Variants in RHOBTB1 observed in about 807,000 individuals in gnomAD.
RHOBTB1 encodes the protein rho-related BTB domain-containing protein 1.
Under a neutral mutation model 71.6 loss-of-function variants are expected in RHOBTB1, and 40 were observed. The observed-to-expected ratio is 0.56, with a 90% CI of 0.43 to 0.73. RHOBTB1 has a LOEUF of 0.73. Ranked by LOEUF, RHOBTB1 falls within the 30% of genes least tolerant of loss-of-function variation. The pLI, the probability that RHOBTB1 is intolerant of heterozygous loss-of-function variation, is 0.00. For synonymous variants in RHOBTB1, 319 were observed against 334.9 expected, an observed-to-expected ratio of 0.95 and a Z score of 0.52; for missense variants, 797 against 894.0, an observed-to-expected ratio of 0.89 and a Z score of 1.38.
intron 4 of RHOBTB1, among the ~76,000 whole-genome samples, chr10:60,900,455 C>T (rs1250817054): frequency 3.9e-5 from 6 of 152,142 alleles, no homozygotes; most frequent in Non-Finnish European, 7.4e-5. Flanking sequence ...TTTCTGCTTC[C>T]CTGTTCCGGG....
At chr10:60,908,058 G>A (rs2082768041) in intron 4 of RHOBTB1, among the ~76,000 whole-genome samples, 1 of 152,196 alleles carries the variant, frequency 6.6e-6, no homozygotes, top group Non-Finnish European at 1.5e-5. Context: ...GCAAAAGAAT[G>A]GGTAGAATAG....
At chr10:60,992,777 T>C (rs560488595) in intron 1 of RHOBTB1, among the ~76,000 whole-genome samples, 1 of 152,250 alleles carries the variant, frequency 6.6e-6, no homozygotes, top group Admixed American at 6.5e-5. Context: ...AAATAAGAAA[T>C]GCCATCTGAT....
chr10:60,903,720 GT>G (rs899903720), intron 4 of RHOBTB1, among the ~76,000 whole-genome samples: 1 of 152,060 alleles, frequency 6.6e-6, no homozygotes, highest in African/African-American at 2.4e-5. Context: ...GGCAGGGGGG[GT>G]TCTATCTCTG....
Position 60,870,855 on chromosome 10 carries a change from C to A in RHOBTB1, c.*627G>T, listed in dbSNP as rs2080745243. On this transcript the variant is annotated 3_prime_UTR_variant, in exon 11 of 11. Transcript: ENST00000337910. ...TAACCATATAATTACCAGCACTTAA[C>A]ATGGCAAATATTGTAAATACACATT... 6.6e-6 allele frequency: 1 copy of A among 152,656 alleles called. No individual in the cohort carries two copies. The highest frequency in any genetic ancestry group is 2.1e-4 in the South Asian group (1 of 4,828). 9.5% of individuals were successfully genotyped at this position (152,656 alleles called of 1,614,324 possible).
intron 1 of RHOBTB1, among the ~76,000 whole-genome samples, chr10:60,943,288 G>T (rs532208946): frequency 6.6e-6 from 1 of 152,204 alleles, no homozygotes; most frequent in Non-Finnish European, 1.5e-5. Flanking sequence ...CTAACAGTAG[G>T]ATCTAATGAT....
At chr10:60,892,772 T>C in intron 5 of RHOBTB1, 38 bp downstream of exon 5, 1 of 1,560,206 alleles carries the variant, frequency 6.4e-7, no homozygotes, top group Non-Finnish European at 8.7e-7. Context: ...AAATTTTAAC[T>C]TGGTCAGGAC....
chr10:60,872,216 C>T lies in RHOBTB1; in HGVS notation c.1890G>A (p.Lys630=). The T allele has an allele frequency of 6.2e-7, 1 of 1,614,076 alleles. No homozygotes were observed. Among genetic ancestry groups the T allele is most frequent in the Non-Finnish European group, 8.5e-7 (1 of 1,179,970 alleles). ...ICTNYNSVCS[K]FRKEIKSKSA... ...ATTTTGATTTGATTTCCTTACGGAACTTGGAGCATACACTGTTGTAGTTGG... is the reference window on the plus strand; with the variant it reads ...ATTTTGATTTGATTTCCTTACGGAATTTGGAGCATACACTGTTGTAGTTGG... Residue 630 remains lysine (K), a synonymous_variant, in exon 10 of 11, where the codon AAG becomes AAA. Transcript: ENST00000337910.
intron 4 of RHOBTB1, among the ~76,000 whole-genome samples, chr10:60,903,919 T>C (rs890206048): frequency 2.6e-5 from 4 of 152,146 alleles, no homozygotes; most frequent in African/African-American, 9.7e-5. Flanking sequence ...ACACAAACCT[T>C]TCTTCATATA....
chr10:60,957,645 C>T (rs549892661), intron 2 of RHOBTB1, among the ~76,000 whole-genome samples: 47 of 151,866 alleles, frequency 3.1e-4, no homozygotes, highest in African/African-American at 1.1e-3. Flanking sequence ...AAAGCAGATC[C>T]AAGTGAGTAA....
intron 2 of RHOBTB1, chr10:60,912,976 G>A (rs2083070190): frequency 6.6e-6 from 1 of 152,204 alleles, no homozygotes. Context: ...TCATTTTTAA[G>A]GAGTCAGTAA....
chr10:60,914,263 T>C (rs1232409964), intron 2 of RHOBTB1, among the ~76,000 whole-genome samples: 1 of 152,116 alleles, frequency 6.6e-6, no homozygotes, highest in Non-Finnish European at 1.5e-5. Flanking sequence ...GGGTTAAAAA[T>C]GCTTGTCTGA....
chr10:60,933,679 T>A (rs1196636540), intron 2 of RHOBTB1, among the ~76,000 whole-genome samples: 1 of 151,310 alleles, frequency 6.6e-6, no homozygotes, highest in Admixed American at 6.6e-5. Flanking sequence ...CCAGCCTAGG[T>A]GAGAGTGAGA....
intron 2 of RHOBTB1, among the ~76,000 whole-genome samples, chr10:60,918,133 G>C (rs2083366353): frequency 6.6e-6 from 1 of 152,314 alleles, no homozygotes; most frequent in South Asian, 2.1e-4. Flanking sequence ...ATTTGCTACA[G>C]TGCTGGGAAT....
At chr10:60,990,454 G>A (rs975195162) in intron 1 of RHOBTB1, among the ~76,000 whole-genome samples, 3 of 152,152 alleles carry the variant, frequency 2.0e-5, no homozygotes, top group African/African-American at 2.4e-5. Flanking sequence ...ACGACAGACA[G>A]AACCAGTTAC....
intron 2 of RHOBTB1, among the ~76,000 whole-genome samples, chr10:60,978,544 C>T (rs1436973001): frequency 3.3e-5 from 5 of 152,082 alleles, no homozygotes; most frequent in East Asian, 3.9e-4. Flanking sequence ...TGTATCAAAA[C>T]GATCTGCAGT....
At chr10:60,873,043 A>G (rs1165334909) in intron 9 of RHOBTB1, among the ~76,000 whole-genome samples, 2 of 152,176 alleles carry the variant, frequency 1.3e-5, no homozygotes, top group Non-Finnish European at 2.9e-5. Context: ...TAGAACCTAC[A>G]GCATGCTTCC....
chr10:60,915,474 A>T (rs1353958295), intron 2 of RHOBTB1, among the ~76,000 whole-genome samples: 1 of 152,178 alleles, frequency 6.6e-6, no homozygotes, highest in Admixed American at 6.5e-5. Context: ...GAAAGAATGG[A>T]CACTGGTAAT....
chr10:60,862,528 CTTTCT>C, the RHOBTB1 span, among the ~76,000 whole-genome samples: 1 of 150,058 alleles, frequency 6.7e-6, no homozygotes, highest in African/African-American at 2.5e-5. Flanking sequence ...CTCTCTCTCC[CTTTCT>C]TTCTCTTTCT....
intron 2 of RHOBTB1, among the ~76,000 whole-genome samples, chr10:60,924,853 T>C (rs934658254): frequency 5.3e-5 from 8 of 152,206 alleles, no homozygotes; most frequent in African/African-American, 1.9e-4. Context: ...GGAAACTTTA[T>C]GAACACATGG....
Sources: gnomAD v4.1 joint callset for allele counts (sites outside exome capture counted in the v4.1 genomes callset) on GRCh38, gnomAD v4.1.1 for gene constraint, MANE v1.5 for transcripts, NCBI Gene and HGNC (gene_info 2026-07-23, HGNC 2026-07-21) for gene names.